The following TRAPPC9 variants were observed in gnomAD, a reference collection of about 807,000 sequenced individuals.
TRAPPC9 encodes the protein trafficking protein particle complex subunit 9.
TRAPPC9 carries 83 observed loss-of-function variants against 124.0 expected under a neutral mutation model. The ratio of observed to expected loss-of-function variants is 0.67; its 90% confidence interval spans 0.56 to 0.80. The LOEUF (loss-of-function observed/expected upper bound fraction) is 0.80, where lower values mean the gene tolerates loss of function less well. TRAPPC9 is among the 30% of genes least tolerant of loss of function. TRAPPC9 has a pLI of 0.00. For synonymous variants in TRAPPC9, 638 were observed against 617.5 expected, an observed-to-expected ratio of 1.03 and a Z score of -0.49; for missense variants, 1,302 against 1,508.3, an observed-to-expected ratio of 0.86 and a Z score of 2.27.
chr8:140,116,860 GGCGGA>G (rs2060897719), intron 17 of TRAPPC9, among the ~76,000 whole-genome samples: 1 of 135,108 alleles, frequency 7.4e-6, no homozygotes, highest in African/African-American at 3.5e-5. Context: ...TCAGTAAGTA[GGCGGA>G]GTTCAGTGAG....
chr8:139,807,015 G>A (rs532596318), intron 21 of TRAPPC9, among the ~76,000 whole-genome samples: 31 of 152,342 alleles, frequency 2.0e-4, no homozygotes, highest in Admixed American at 1.7e-3. Flanking sequence ...CGATGCCCTC[G>A]AGACACCTTC....
intron 21 of TRAPPC9, among the ~76,000 whole-genome samples, chr8:139,848,600 A>G (rs1310512344): frequency 1.3e-5 from 2 of 152,226 alleles, no homozygotes; most frequent in Non-Finnish European, 2.9e-5. Flanking sequence ...CACCTTCTAT[A>G]TATAGACATA....
intron 9 of TRAPPC9, among the ~76,000 whole-genome samples, chr8:140,331,739 T>C (rs1165225932): frequency 6.6e-6 from 1 of 152,118 alleles, no homozygotes; most frequent in Non-Finnish European, 1.5e-5. Flanking sequence ...TGCTCATCAC[T>C]AATCATCAGG....
intron 16 of TRAPPC9, among the ~76,000 whole-genome samples, chr8:140,251,402 T>C (rs2064129952): frequency 6.6e-6 from 1 of 152,270 alleles, no homozygotes; most frequent in Non-Finnish European, 1.5e-5. Flanking sequence ...CAGACATTTT[T>C]AAGTCTTGGT....
chr8:139,876,898 C>T (rs143306877), intron 21 of TRAPPC9, among the ~76,000 whole-genome samples: 56 of 152,338 alleles, frequency 3.7e-4, no homozygotes, highest in Admixed American at 1.4e-3. Context: ...TTGAGCCATG[C>T]TCCCCAAATG....
intron 15 of TRAPPC9, among the ~76,000 whole-genome samples, chr8:140,262,906 G>A (rs2064479192): frequency 6.6e-6 from 1 of 152,246 alleles, no homozygotes; most frequent in Non-Finnish European, 1.5e-5. Context: ...GGAGGTGGCA[G>A]TGGACGGAAC....
chr8:140,159,285 C>T (rs1262391490), intron 17 of TRAPPC9, among the ~76,000 whole-genome samples: 2 of 152,216 alleles, frequency 1.3e-5, no homozygotes, highest in Admixed American at 6.5e-5. Context: ...AGAATGCAGG[C>T]TCTACGGAAT....
At chr8:139,846,089 C>T (rs529087771) in intron 21 of TRAPPC9, among the ~76,000 whole-genome samples, 10 of 152,360 alleles carry the variant, frequency 6.6e-5, no homozygotes, top group East Asian at 5.8e-4. Flanking sequence ...GGCCTGGCCA[C>T]GATGGGCCTT....
intron 21 of TRAPPC9, among the ~76,000 whole-genome samples, chr8:139,817,995 T>C (rs1256111137): frequency 2.0e-5 from 3 of 152,220 alleles, no homozygotes; most frequent in Non-Finnish European, 4.4e-5. Flanking sequence ...ATTCTTAAGC[T>C]ACCGTGTGTA....
At chr8:139,735,009 G>A (rs981382195) in intron 21 of TRAPPC9, among the ~76,000 whole-genome samples, 1 of 152,226 alleles carries the variant, frequency 6.6e-6, no homozygotes, top group Non-Finnish European at 1.5e-5. Flanking sequence ...GATAAACCTG[G>A]GGGTCCTGAG....
chr8:140,360,818 GGACCTCC>G (rs2067930785), intron 8 of TRAPPC9, among the ~76,000 whole-genome samples: 1 of 152,102 alleles, frequency 6.6e-6, no homozygotes, highest in South Asian at 2.1e-4. Context: ...ACTGCAGTCT[GGACCTCC>G]AGGGCTCAAG....
chr8:139,778,495 C>T (rs2130505859), intron 21 of TRAPPC9, among the ~76,000 whole-genome samples: 2 of 152,250 alleles, frequency 1.3e-5, no homozygotes, highest in East Asian at 3.9e-4. Context: ...CCAGAACTGA[C>T]ATAAATGTTA....
intron 19 of TRAPPC9, among the ~76,000 whole-genome samples, chr8:139,940,136 A>G (rs1587287247): frequency 6.6e-6 from 1 of 152,012 alleles, no homozygotes; most frequent in Non-Finnish European, 1.5e-5. Flanking sequence ...AGTTCCCCTC[A>G]CCCCTGTCTT....
chr8:140,441,849 G>C (rs1588362951), intron 2 of TRAPPC9, among the ~76,000 whole-genome samples: 2 of 152,104 alleles, frequency 1.3e-5, no homozygotes, highest in Non-Finnish European at 2.9e-5. Context: ...ATAGGAGTCA[G>C]CCACTGTGCC....
intron 17 of TRAPPC9, among the ~76,000 whole-genome samples, chr8:140,190,138 A>G (rs2062454254): frequency 6.6e-6 from 1 of 152,202 alleles, no homozygotes; most frequent in Non-Finnish European, 1.5e-5. Context: ...CTAAAACTCT[A>G]TAGAAAACGG....
chr8:140,080,150 T>C (rs938877052), intron 17 of TRAPPC9, among the ~76,000 whole-genome samples: 1 of 152,106 alleles, frequency 6.6e-6, no homozygotes, highest in African/African-American at 2.4e-5. Flanking sequence ...ACATACAAGG[T>C]CATAGAAGGC....
intron 21 of TRAPPC9, among the ~76,000 whole-genome samples, chr8:139,758,117 G>A (rs1231539205): frequency 6.6e-6 from 1 of 152,204 alleles, no homozygotes; most frequent in East Asian, 1.9e-4. Flanking sequence ...CACTTGGAAG[G>A]GAATCCCGTG....
intron 7 of TRAPPC9, among the ~76,000 whole-genome samples, chr8:140,378,367 T>C (rs745663660): frequency 9.2e-5 from 14 of 152,136 alleles, no homozygotes; most frequent in Non-Finnish European, 1.5e-4. Flanking sequence ...GCTAAGAATA[T>C]AAGCAGGCAG....
intron 9 of TRAPPC9, among the ~76,000 whole-genome samples, chr8:140,316,093 A>G (rs1482401651): frequency 6.6e-6 from 1 of 152,114 alleles, no homozygotes; most frequent in Non-Finnish European, 1.5e-5. Flanking sequence ...ATAAAACTCT[A>G]CCAGGTGCTG....
Sources: gnomAD v4.1 joint callset for allele counts (sites outside exome capture counted in the v4.1 genomes callset) on GRCh38, gnomAD v4.1.1 for gene constraint, MANE v1.5 for transcripts, NCBI Gene and HGNC (gene_info 2026-07-23, HGNC 2026-07-21) for gene names.